TDRD3: variants seen among roughly 807,000 people sequenced by gnomAD.
TDRD3 encodes the protein tudor domain-containing protein 3.
Under a neutral mutation model 86.7 loss-of-function variants are expected in TDRD3, and 45 were observed. The ratio of observed to expected loss-of-function variants is 0.52; its 90% CI spans 0.41 to 0.67. TDRD3 has a LOEUF of 0.67. Among genes scored for constraint, TDRD3 ranks in the 30% least tolerant of loss-of-function variants. The probability of loss-of-function intolerance (pLI) is 0.00; values close to 1 mark genes in which losing one functional copy is unlikely to be tolerated. For missense variants in TDRD3, 814 were observed against 889.0 expected, an observed-to-expected ratio of 0.92 and a Z score of 1.07; for synonymous variants, 298 against 301.7, an observed-to-expected ratio of 0.99 and a Z score of 0.13.
chr13:60,558,503 A>G (rs1958253413), intron 12 of TDRD3, among the ~76,000 whole-genome samples: 1 of 152,138 alleles, frequency 6.6e-6, no homozygotes, highest in African/African-American at 2.4e-5. Context: ...AGGCATATGC[A>G]TTTTTCATTA....
chr13:60,453,487 C>A (rs1370746237), intron 3 of TDRD3, among the ~76,000 whole-genome samples: 1 of 151,822 alleles, frequency 6.6e-6, no homozygotes, highest in Non-Finnish European at 1.5e-5. Flanking sequence ...CAACACTTTC[C>A]TTTAATCAGT....
At chr13:60,467,564 C>T (rs1781312358) in intron 5 of TDRD3, among the ~76,000 whole-genome samples, 185 bp downstream of exon 5, 1 of 152,126 alleles carries the variant, frequency 6.6e-6, no homozygotes, top group African/African-American at 2.4e-5. Flanking sequence ...TATACTTTTT[C>T]AGTATTTGTT....
intron 7 of TDRD3, among the ~76,000 whole-genome samples, chr13:60,487,400 C>T (rs1374887050): frequency 1.3e-5 from 2 of 151,954 alleles, no homozygotes; most frequent in Non-Finnish European, 2.9e-5. Context: ...CACTTGAACT[C>T]GGAAGGCGGA....
chr13:60,545,905 T>C (rs1030262555), intron 12 of TDRD3, among the ~76,000 whole-genome samples: 1 of 152,118 alleles, frequency 6.6e-6, no homozygotes, highest in African/African-American at 2.4e-5. Flanking sequence ...CTTTTTTCTC[T>C]TTATCTAAGC....
chr13:60,552,974 GC>G (rs1416362738), intron 12 of TDRD3, among the ~76,000 whole-genome samples: 2 of 152,210 alleles, frequency 1.3e-5, no homozygotes, highest in Admixed American at 1.3e-4. Context: ...AGGCCTTCGG[GC>G]CTGTGATGGA....
intron 10 of TDRD3, among the ~76,000 whole-genome samples, chr13:60,523,003 T>C (rs1379964978): frequency 8.3e-6 from 1 of 120,618 alleles, no homozygotes; most frequent in Non-Finnish European, 1.9e-5. Flanking sequence ...TTGAGGCACA[T>C]TATTTTTTCA....
At chr13:60,514,688 G>T (rs1170879845) in intron 10 of TDRD3, among the ~76,000 whole-genome samples, 1 of 152,188 alleles carries the variant, frequency 6.6e-6, no homozygotes, top group Admixed American at 6.5e-5. Flanking sequence ...TAGAGGTAGT[G>T]CTGTGAGGAG....
chr13:60,497,111 C>T (rs1956734501), intron 8 of TDRD3, among the ~76,000 whole-genome samples: 1 of 152,190 alleles, frequency 6.6e-6, no homozygotes, highest in South Asian at 2.1e-4. Context: ...ATCAGAAACA[C>T]AGTGGACACC....
At chr13:60,397,051 C>A, upstream of TDRD3, 1 of 269,710 alleles carries the variant, frequency 3.7e-6, no homozygotes, top group Non-Finnish European at 6.9e-6. Context: ...CAAGTAAAAG[C>A]CTTCGGGGAA....
At chr13:60,551,445 C>T (rs1191895677) in intron 12 of TDRD3, among the ~76,000 whole-genome samples, 2 of 152,122 alleles carry the variant, frequency 1.3e-5, no homozygotes, top group African/African-American at 2.4e-5. Context: ...AGAACAGTCT[C>T]TTTTATTGTT....
chr13:60,545,975 A>G (rs1957932343), intron 12 of TDRD3, among the ~76,000 whole-genome samples: 1 of 151,094 alleles, frequency 6.6e-6, no homozygotes, highest in African/African-American at 2.4e-5. Context: ...CTTTTTATTC[A>G]TCTTATGCGT....
chr13:60,504,905 G>T (rs1430851695), intron 8 of TDRD3, among the ~76,000 whole-genome samples: 3 of 152,136 alleles, frequency 2.0e-5, no homozygotes, highest in African/African-American at 7.2e-5. Context: ...GTGGACTTCG[G>T]CCCAGATACT....
intron 5 of TDRD3, among the ~76,000 whole-genome samples, chr13:60,473,776 T>G (rs894401301): frequency 6.6e-6 from 1 of 152,100 alleles, no homozygotes; most frequent in Non-Finnish European, 1.5e-5. Flanking sequence ...GGCTCCCTGG[T>G]CTAGCGGACA....
intron 1 of TDRD3, among the ~76,000 whole-genome samples, chr13:60,424,400 G>T (rs1954745856): frequency 6.6e-6 from 1 of 151,998 alleles, no homozygotes; most frequent in African/African-American, 2.4e-5. Context: ...AGTTCTGGCT[G>T]GGCGCAGTGG....
intron 8 of TDRD3, among the ~76,000 whole-genome samples, chr13:60,500,652 C>T (rs554885488): frequency 3.9e-5 from 6 of 152,198 alleles, no homozygotes; most frequent in South Asian, 2.1e-4. Flanking sequence ...GCGAAATGTG[C>T]GATTATATAC....
intron 1 of TDRD3, among the ~76,000 whole-genome samples, chr13:60,406,165 A>G (rs766601026): frequency 1.1e-4 from 17 of 152,190 alleles, no homozygotes; most frequent in Admixed American, 3.9e-4. Flanking sequence ...CACTCAGAAG[A>G]GAAGACTGGG....
chr13:60,555,571 C>T (rs1264033598), intron 12 of TDRD3, among the ~76,000 whole-genome samples: 1 of 152,144 alleles, frequency 6.6e-6, no homozygotes, highest in Admixed American at 6.5e-5. Context: ...AGAGCATGAA[C>T]CTTCACTTTA....
rs566867612 is a variant in TDRD3 at position 60,560,535 on chromosome 13, A to G, written c.2119-6990A>G. Among the ~76,000 whole-genome samples, 5 of 152,186 alleles carry G rather than the reference A, an allele frequency of 3.3e-5. No individual in the cohort carries two copies. In the East Asian group the frequency reaches 9.7e-4, roughly 30 times the overall value. ...AACCTGCCAAAAATAGCTTATTTAC[A>G]TTATATTAATGTGTAGATCTTAGTG... On this transcript the variant is annotated intron_variant, in intron 12 of 13. Transcript: ENST00000377881.
At chr13:60,451,886 T>C (rs1955553169) in intron 3 of TDRD3, among the ~76,000 whole-genome samples, 1 of 152,170 alleles carries the variant, frequency 6.6e-6, no homozygotes. Context: ...CTTAAAAATA[T>C]CATGTTGGAG....
Sources: allele counts gnomAD v4.1 joint callset (sites outside exome capture counted in the v4.1 genomes callset), GRCh38; gene constraint gnomAD v4.1.1; transcripts MANE v1.5; gene names NCBI Gene and HGNC (gene_info 2026-07-23, HGNC 2026-07-21).